SNX13: variants seen among roughly 807,000 people sequenced by gnomAD.
The protein encoded by SNX13 is sorting nexin 13.
Under a neutral mutation model 133.6 loss-of-function variants are expected in SNX13, and 45 were observed. That is an observed-to-expected ratio of 0.34 (90% CI 0.27 to 0.43). SNX13 has a LOEUF of 0.43. Among genes scored for constraint, SNX13 ranks in the 20% least tolerant of loss-of-function variants. The pLI is 1.00. For missense variants in SNX13, 1,032 were observed against 1,145.1 expected (o/e 0.90, Z 1.43); for synonymous variants, 414 against 373.9 (o/e 1.11, Z -1.24).
chr7:17,912,441 ACT>A (rs1029598730), intron 1 of SNX13, among the ~76,000 whole-genome samples: 1 of 150,378 alleles, frequency 6.6e-6, no homozygotes, highest in Non-Finnish European at 1.5e-5. Context: ...ATGGAGTCTC[ACT>A]CTGTTGCCCA....
chr7:17,913,672 C>A (rs1583753267), intron 1 of SNX13, among the ~76,000 whole-genome samples: 1 of 148,042 alleles, frequency 6.8e-6, no homozygotes, highest in African/African-American at 2.5e-5. Context: ...CAACTGATCA[C>A]AAGCAACATA....
At chr7:17,909,348 G>A (rs1053633577) in intron 1 of SNX13, among the ~76,000 whole-genome samples, 1 of 152,084 alleles carries the variant, frequency 6.6e-6, no homozygotes, top group African/African-American at 2.4e-5. Flanking sequence ...TCCCATTACT[G>A]GGTATATACC....
intron 20 of SNX13, among the ~76,000 whole-genome samples, chr7:17,812,150 G>T (rs917739997): frequency 4.2e-4 from 64 of 152,058 alleles, no homozygotes; most frequent in African/African-American, 1.4e-3. Context: ...TGACAAATGG[G>T]ATCTAAATAA....
intron 1 of SNX13, among the ~76,000 whole-genome samples, chr7:17,913,804 G>T (rs1799269627): frequency 7.1e-6 from 1 of 141,374 alleles, no homozygotes; most frequent in Non-Finnish European, 1.5e-5. Flanking sequence ...GGCTCCCTCA[G>T]ATGAGAAGGA....
At chr7:17,929,469 A>T (rs1014889072) in intron 1 of SNX13, among the ~76,000 whole-genome samples, 1 of 152,116 alleles carries the variant, frequency 6.6e-6, no homozygotes, top group African/African-American at 2.4e-5. Flanking sequence ...CTTAGCCCTA[A>T]GTCTCTTTAC....
rs201792347 is a variant in SNX13 at position 17,875,756 on chromosome 7, T to C, written c.475A>G (p.Thr159Ala). The C allele has an allele frequency of 6.2e-7, 1 of 1,609,656 alleles. No individual in the cohort carries two copies. The highest frequency in any genetic ancestry group is 8.5e-7 in the Non-Finnish European group (1 of 1,177,264). ...GTGCCAAAGTCATCTACAATGCGTGTAGTAAAATAAGGTTGCCAGTCTATT... is the reference window on the plus strand; with the variant it reads ...GTGCCAAAGTCATCTACAATGCGTGCAGTAAAATAAGGTTGCCAGTCTATT... ...KEIDWQPYFT[T>A]RIVDDFGTHL... The change falls in exon 6 of 26, where the codon ACA becomes GCA. Residue 159 changes from threonine (T) to alanine (A), a missense_variant. Transcript: ENST00000428135.
At position 17,823,344 on chromosome 7, in the gene SNX13, G is replaced by A. The variant is rs553584853; in HGVS notation, c.1706-1696C>T. Among the ~76,000 whole-genome samples, 81 of 152,178 alleles carry A rather than the reference G, an allele frequency of 5.3e-4. No individual in the cohort carries two copies. In the South Asian group the frequency reaches 0.016, roughly 31 times the overall value. ...AACTGATCTTGTAATAATGGATTAC[G>A]TTTATTCATAAGTGTGAATAAACGT... On this transcript the variant is annotated intron_variant, in intron 17 of 25. Coordinates refer to ENST00000428135, the MANE Select transcript of SNX13 (RefSeq NM_015132.5).
chr7:17,858,080 G>A (rs1792145795), intron 9 of SNX13, among the ~76,000 whole-genome samples: 1 of 152,108 alleles, frequency 6.6e-6, no homozygotes, highest in Non-Finnish European at 1.5e-5. Context: ...ATCATATTGA[G>A]TGGAGAAAAG....
intron 9 of SNX13, 123 bp from the exon 10 acceptor site, chr7:17,851,087 G>A: frequency 1.0e-6 from 1 of 987,598 alleles, no homozygotes; most frequent in Non-Finnish European, 1.5e-6. Flanking sequence ...ACAACAAAAA[G>A]AAAAAAGTTC....
chr7:17,853,398 C>G (rs1050734488), intron 9 of SNX13, among the ~76,000 whole-genome samples: 2 of 151,972 alleles, frequency 1.3e-5, no homozygotes, highest in Middle Eastern at 3.4e-3. Flanking sequence ...CTATTTTAAA[C>G]AAAAAGCCAA....
At chr7:17,830,658 A>G (rs1464053837) in intron 15 of SNX13, 1 of 983,450 alleles carries the variant, frequency 1.0e-6, no homozygotes, top group Non-Finnish European at 1.2e-6. Flanking sequence ...ATGTGAGAGA[A>G]TAAGTCAATG....
intron 15 of SNX13, chr7:17,832,543 A>AT: frequency 1.1e-6 from 1 of 932,726 alleles, no homozygotes; most frequent in Non-Finnish European, 1.3e-6. Context: ...AAAAACTTTT[A>AT]TAATAGTCAT....
intron 2 of SNX13, among the ~76,000 whole-genome samples, chr7:17,895,434 G>A (rs1288239614): frequency 6.6e-6 from 1 of 152,028 alleles, no homozygotes; most frequent in Non-Finnish European, 1.5e-5. Flanking sequence ...AGTTAACTTT[G>A]ACTATAAGCA....
chr7:17,851,901 T>G, intron 9 of SNX13, among the ~76,000 whole-genome samples: 1 of 151,952 alleles, frequency 6.6e-6, no homozygotes, highest in Non-Finnish European at 1.5e-5. Flanking sequence ...GAGATGACAC[T>G]TAAAACCATG....
intron 13 of SNX13, among the ~76,000 whole-genome samples, 162 bp downstream of exon 13, chr7:17,839,645 A>T (rs992012696): frequency 6.6e-6 from 1 of 151,994 alleles, no homozygotes; most frequent in Non-Finnish European, 1.5e-5. Context: ...CTGGCTAAAC[A>T]TCAGAATCTT....
intron 5 of SNX13, among the ~76,000 whole-genome samples, chr7:17,887,851 A>AG (rs960991273): frequency 2.1e-5 from 2 of 93,320 alleles, no homozygotes; most frequent in Non-Finnish European, 4.0e-5. Flanking sequence ...ACCACTGGAT[A>AG]GGAAAAAAAA....
intron 9 of SNX13, among the ~76,000 whole-genome samples, chr7:17,866,306 A>G: frequency 6.6e-6 from 1 of 152,092 alleles, no homozygotes; most frequent in Non-Finnish European, 1.5e-5. Context: ...AAAAAAAAAA[A>G]AGAATCCCAT....
chr7:17,824,805 C>T (rs1787695195), intron 17 of SNX13, among the ~76,000 whole-genome samples: 1 of 150,244 alleles, frequency 6.7e-6, no homozygotes, highest in Non-Finnish European at 1.5e-5. Context: ...GAGTCTCGCT[C>T]TGTCGCCAGG....
At chr7:17,914,846 C>G (rs1372453809) in intron 1 of SNX13, among the ~76,000 whole-genome samples, 1 of 152,158 alleles carries the variant, frequency 6.6e-6, no homozygotes, top group African/African-American at 2.4e-5. Context: ...GCTAACAACA[C>G]TATGGCAGGA....
Sources: allele counts gnomAD v4.1 joint callset (sites outside exome capture counted in the v4.1 genomes callset), GRCh38; gene constraint gnomAD v4.1.1; transcripts MANE v1.5; gene names NCBI Gene and HGNC (gene_info 2026-07-23, HGNC 2026-07-21).